Variants in ADCY2 observed in about 807,000 individuals in gnomAD.
The protein encoded by ADCY2 is adenylate cyclase type 2.
In ADCY2, 31 loss-of-function variants were observed where a neutral mutation model predicts 125.2. That is an observed-to-expected ratio of 0.25 (90% CI 0.19 to 0.33). The LOEUF (loss-of-function observed/expected upper bound fraction) is 0.33, where lower values mean the gene tolerates loss of function less well. ADCY2 is among the 10% of genes least tolerant of loss of function. The pLI, the probability that ADCY2 is intolerant of heterozygous loss-of-function variation, is 1.00. For synonymous variants in ADCY2, 512 were observed against 548.4 expected, an observed-to-expected ratio of 0.93 and a Z score of 0.93; for missense variants, 904 against 1,418.2, an observed-to-expected ratio of 0.64 and a Z score of 5.82.
intron 1 of ADCY2, among the ~76,000 whole-genome samples, chr5:7,403,193 A>T (rs528293210): frequency 3.9e-5 from 6 of 152,244 alleles, no homozygotes; most frequent in Admixed American, 3.9e-4. Flanking sequence ...AAAAGAGCAA[A>T]TAATTAAGAT....
chr5:7,724,201 T>C (rs1221754522), intron 12 of ADCY2, among the ~76,000 whole-genome samples: 2 of 149,386 alleles, frequency 1.3e-5, no homozygotes, highest in South Asian at 2.1e-4. Flanking sequence ...CGGAAAAACA[T>C]TAAGGAATCA....
chr5:7,511,358 G>A (rs760154324), intron 2 of ADCY2, among the ~76,000 whole-genome samples: 11 of 152,048 alleles, frequency 7.2e-5, no homozygotes, highest in African/African-American at 1.7e-4. Flanking sequence ...GGCAGATCAC[G>A]AGGTCAGGAG....
chr5:7,414,611 A>G lies in ADCY2; in HGVS notation c.249A>G (p.Pro83=), dbSNP rs140317753. Residue 83 remains proline, a synonymous_variant, in exon 2 of 25, where the codon CCA becomes CCG. Transcript: ENST00000338316. ...ATGTGGCGTTTCTAATAACAGTTCC[A>G]ACTGCCCTGGCGATTTTCTTTGCGA... The part of the protein sequence containing the change: ...EDHVAFLITV[P]TALAIFFAIF... 6.2e-7 allele frequency: 1 copy of G among 1,613,430 alleles called. No homozygotes were observed. The highest frequency in any genetic ancestry group is 1.3e-5 in the African/African-American group (1 of 74,896).
intron 2 of ADCY2, among the ~76,000 whole-genome samples, chr5:7,471,269 GT>G (rs1395739338): frequency 1.3e-5 from 2 of 151,936 alleles, no homozygotes; most frequent in East Asian, 1.9e-4. Context: ...TATTGGAAAG[GT>G]TAAAGACTAC....
intron 4 of ADCY2, among the ~76,000 whole-genome samples, chr5:7,633,247 A>C (rs191811595): frequency 1.3e-5 from 2 of 152,016 alleles, no homozygotes; most frequent in African/African-American, 4.8e-5. Context: ...CCTGGCCAAC[A>C]TGGTAAAACC....
intron 3 of ADCY2, among the ~76,000 whole-genome samples, chr5:7,609,385 A>G (rs1441944508): frequency 1.3e-5 from 2 of 152,252 alleles, no homozygotes; most frequent in Non-Finnish European, 2.9e-5. Flanking sequence ...TTAAAATTAC[A>G]GTCTCTACAC....
chr5:7,410,831 A>C (rs1241628316), intron 1 of ADCY2, among the ~76,000 whole-genome samples: 3 of 152,146 alleles, frequency 2.0e-5, no homozygotes, highest in Admixed American at 1.3e-4. Flanking sequence ...ATTTTAAGCT[A>C]GTCTGTCTGT....
At chr5:7,724,722 C>T (rs1741881651) in intron 13 of ADCY2, 108 bp downstream of exon 13, 5 of 772,096 alleles carry the variant, frequency 6.5e-6, no homozygotes, top group Non-Finnish European at 1.1e-5. Flanking sequence ...CTGCCTCTGA[C>T]TATATTCGAA....
intron 2 of ADCY2, among the ~76,000 whole-genome samples, chr5:7,449,588 C>G (rs1741398038): frequency 6.6e-6 from 1 of 152,042 alleles, no homozygotes; most frequent in Admixed American, 6.5e-5. Flanking sequence ...TCTGTATTCC[C>G]CTATTGTAAT....
At chr5:7,419,618 C>G (rs1561015311) in intron 2 of ADCY2, among the ~76,000 whole-genome samples, 1 of 152,122 alleles carries the variant, frequency 6.6e-6, no homozygotes, top group Non-Finnish European at 1.5e-5. Context: ...TCACAGGGCT[C>G]TAAGTTCCCA....
At position 7,702,377 on chromosome 5, in the gene ADCY2, G is replaced by T. The variant is rs12518023; in HGVS notation, c.1109+4003G>T. ...ATATCTCCTAATGGTATCCCTCCCC[G>T]CTCCTCCCACCCCACGACAGGCCCC... On this transcript the variant is annotated intron_variant, in intron 7 of 24. Coordinates refer to ENST00000338316, the MANE Select transcript of ADCY2 (RefSeq NM_020546.3). Among the ~76,000 whole-genome samples the T allele has an allele frequency of 5.3e-5, 8 of 151,284 alleles. No homozygotes were observed. In the East Asian group the frequency reaches 1.2e-3, roughly 22 times the overall value.
intron 18 of ADCY2, among the ~76,000 whole-genome samples, chr5:7,774,675 A>T (rs1390434540): frequency 6.6e-6 from 1 of 152,158 alleles, no homozygotes; most frequent in Non-Finnish European, 1.5e-5. Context: ...TTTTGCCTTT[A>T]GATCACATTC....
chr5:7,615,417 A>G (rs1412630647), intron 3 of ADCY2, among the ~76,000 whole-genome samples: 1 of 152,186 alleles, frequency 6.6e-6, no homozygotes, highest in Non-Finnish European at 1.5e-5. Context: ...TTTTCAAGTG[A>G]GAACTTGACC....
chr5:7,398,797 T>C (rs1266688872), intron 1 of ADCY2, among the ~76,000 whole-genome samples: 2 of 152,244 alleles, frequency 1.3e-5, no homozygotes, highest in Non-Finnish European at 1.5e-5. Flanking sequence ...CCCTGTGTTC[T>C]GAAACCGGAC....
chr5:7,564,812 A>T (rs888368231), intron 3 of ADCY2, among the ~76,000 whole-genome samples: 9 of 152,138 alleles, frequency 5.9e-5, no homozygotes, highest in African/African-American at 1.9e-4. Context: ...TGTCACCCCA[A>T]AGCAAGCGGA....
At chr5:7,538,860 CTTTTCTTTT>C (rs1365197498) in intron 3 of ADCY2, among the ~76,000 whole-genome samples, 36 of 95,156 alleles carry the variant, frequency 3.8e-4, no homozygotes, top group Non-Finnish European at 8.2e-4. Context: ...CTTTTCTTTT[CTTTTCTTTT>C]TTTTTTTTTT....
intron 13 of ADCY2, 68 bp downstream of exon 13, chr5:7,724,682 T>C (rs1741879769): frequency 8.4e-7 from 1 of 1,197,126 alleles, no homozygotes; most frequent in Non-Finnish European, 1.2e-6. Flanking sequence ...CATGAAATTG[T>C]GCTCATGTTT....
At chr5:7,765,012 C>T (rs1037629283) in intron 16 of ADCY2, among the ~76,000 whole-genome samples, 8 of 152,086 alleles carry the variant, frequency 5.3e-5, no homozygotes, top group Non-Finnish European at 8.8e-5. Flanking sequence ...GGTTAGGAAA[C>T]GTTGTGTGTA....
At chr5:7,517,747 T>C (rs1385414585) in intron 2 of ADCY2, among the ~76,000 whole-genome samples, 5 of 152,252 alleles carry the variant, frequency 3.3e-5, no homozygotes, top group Admixed American at 2.6e-4. Context: ...TGGATAAGCC[T>C]TCCACAGACT....
Sources: gnomAD v4.1 joint callset for allele counts (sites outside exome capture counted in the v4.1 genomes callset) on GRCh38, gnomAD v4.1.1 for gene constraint, MANE v1.5 for transcripts, NCBI Gene and HGNC (gene_info 2026-07-23, HGNC 2026-07-21) for gene names.